The following SNX29 variants were observed in gnomAD, a reference collection of about 807,000 sequenced individuals.
The protein encoded by SNX29 is sorting nexin-29.
SNX29 carries 78 observed loss-of-function variants against 102.1 expected under a neutral mutation model. The observed-to-expected ratio is 0.76, with a 90% confidence interval of 0.64 to 0.92. The LOEUF (loss-of-function observed/expected upper bound fraction) is 0.92. Ranked by LOEUF, SNX29 falls within the 40% of genes least tolerant of loss-of-function variation. The pLI is 0.00. For missense variants in SNX29, 1,280 were observed against 1,061.7 expected, an observed-to-expected ratio of 1.21 and a Z score of -2.86; for synonymous variants, 580 against 414.5, an observed-to-expected ratio of 1.40 and a Z score of -4.85.
chr16:12,030,689 T>C (rs9940003), intron 4 of SNX29, among the ~76,000 whole-genome samples: 17,859 of 152,168 alleles, frequency 0.12, 1,180 homozygotes, highest in African/African-American at 0.15. Flanking sequence ...CCCCCACTTA[T>C]TCCCCGTAAC....
chr16:12,186,928 A>C (rs937231069), intron 13 of SNX29, among the ~76,000 whole-genome samples: 1 of 152,224 alleles, frequency 6.6e-6, no homozygotes, highest in Non-Finnish European at 1.5e-5. Flanking sequence ...CAAGAGGTCA[A>C]AGTCAAGAGA....
Position 12,293,865 on chromosome 16 carries a change from T to C in SNX29, c.1782+15829T>C, listed in dbSNP as rs113627250. The stretch of plus-strand genomic sequence containing the variant: ...CAAGCTTGCATTCATTCAGTGCTTA[T>C]ACGGTGCCAGGCATATTCCTAAGCA... On this transcript the variant is annotated intron_variant, in intron 15 of 20. Transcript: ENST00000566228. Among the ~76,000 whole-genome samples, 1,127 of 152,364 alleles carry C rather than the reference T, an allele frequency of 7.4e-3. 17 individuals carry two copies. The highest frequency in any genetic ancestry group is 0.026 in the African/African-American group (1,063 of 41,592).
At chr16:12,550,035 T>TGC (rs1238434631) in intron 20 of SNX29, among the ~76,000 whole-genome samples, 1 of 152,250 alleles carries the variant, frequency 6.6e-6, no homozygotes, top group African/African-American at 2.4e-5. Context: ...TGAGATGGAA[T>TGC]GCCTCCCTGG....
intron 3 of SNX29, among the ~76,000 whole-genome samples, chr16:12,003,622 A>G (rs1250499286): frequency 1.3e-5 from 2 of 152,238 alleles, no homozygotes; most frequent in Middle Eastern, 3.2e-3. Context: ...GGCCTGAGGT[A>G]GCAGTAGGGG....
At chr16:12,133,013 G>T (rs2054524819) in intron 13 of SNX29, among the ~76,000 whole-genome samples, 1 of 152,212 alleles carries the variant, frequency 6.6e-6, no homozygotes, top group Admixed American at 6.5e-5. Flanking sequence ...TGTTGCCTGG[G>T]GGTGGGGATG....
chr16:12,157,446 T>C lies in SNX29; in HGVS notation c.1595+27688T>C, dbSNP rs532332428. The stretch of plus-strand genomic sequence containing the variant: ...ATGATGTCTCCTAAAGGAACTTCTC[T>C]TATTGCCCAGGGCGGGAGGTTTCAC... On this transcript the variant is annotated intron_variant, in intron 13 of 20. Coordinates refer to ENST00000566228, the MANE Select transcript of SNX29 (RefSeq NM_032167.5). Among the ~76,000 whole-genome samples, 3 of 152,242 alleles carry C rather than the reference T, an allele frequency of 2.0e-5. No individual in the cohort carries two copies. The East Asian group carries it at 5.8e-4, about 29-fold the overall frequency.
At chr16:12,255,043 G>A (rs1472532605) in intron 14 of SNX29, among the ~76,000 whole-genome samples, 1 of 152,168 alleles carries the variant, frequency 6.6e-6, no homozygotes, top group Non-Finnish European at 1.5e-5. Context: ...CAACAACTGT[G>A]TATCTTTATG....
At chr16:12,332,712 C>T (rs2081329827) in intron 15 of SNX29, among the ~76,000 whole-genome samples, 1 of 152,192 alleles carries the variant, frequency 6.6e-6, no homozygotes, top group African/African-American at 2.4e-5. Flanking sequence ...GCACCTCTGT[C>T]TTTCTCTTAT....
At chr16:12,549,266 TGGTA>T (rs2077809560) in intron 20 of SNX29, among the ~76,000 whole-genome samples, 1 of 152,050 alleles carries the variant, frequency 6.6e-6, no homozygotes, top group Non-Finnish European at 1.5e-5. Context: ...GAGGCTGAGG[TGGTA>T]GATCACTCAG....
chr16:12,172,178 T>C (rs1483871667), intron 13 of SNX29, among the ~76,000 whole-genome samples: 1 of 152,216 alleles, frequency 6.6e-6, no homozygotes, highest in East Asian at 1.9e-4. Flanking sequence ...GTGGCTCTCA[T>C]TGTGGCTTTG....
At chr16:12,418,254 C>G (rs189396419) in intron 18 of SNX29, among the ~76,000 whole-genome samples, 6 of 152,220 alleles carry the variant, frequency 3.9e-5, no homozygotes, top group African/African-American at 1.4e-4. Context: ...CACCAATTGC[C>G]GCAAAACCGT....
chr16:12,284,338 G>A (rs1456650371), intron 15 of SNX29, among the ~76,000 whole-genome samples: 1 of 152,242 alleles, frequency 6.6e-6, no homozygotes, highest in Admixed American at 6.5e-5. Context: ...TCATACCTGT[G>A]AGTGGGTTTG....
chr16:12,474,948 G>C (rs138440028), intron 18 of SNX29, among the ~76,000 whole-genome samples: 2 of 152,332 alleles, frequency 1.3e-5, no homozygotes, highest in Admixed American at 6.5e-5. Flanking sequence ...CTTTTGTTCA[G>C]TTGAGCTGGT....
intron 14 of SNX29, among the ~76,000 whole-genome samples, chr16:12,214,087 A>G (rs181542191): frequency 4.6e-5 from 7 of 151,738 alleles, no homozygotes; most frequent in African/African-American, 1.7e-4. Context: ...CTCTCTGGCG[A>G]CCTCCATTAA....
intron 4 of SNX29, among the ~76,000 whole-genome samples, chr16:12,037,221 A>T (rs1338202666): frequency 3.3e-5 from 5 of 152,138 alleles, no homozygotes; most frequent in Non-Finnish European, 5.9e-5. Context: ...TCAGCCACAG[A>T]CCATATGGGA....
At chr16:12,245,189 G>T (rs777116472) in intron 14 of SNX29, among the ~76,000 whole-genome samples, 1 of 152,080 alleles carries the variant, frequency 6.6e-6, no homozygotes, top group Non-Finnish European at 1.5e-5. Context: ...GAAATTGGTC[G>T]TTCTTACAGC....
intron 15 of SNX29, among the ~76,000 whole-genome samples, chr16:12,347,817 C>T (rs1337286617): frequency 6.6e-6 from 1 of 151,810 alleles, no homozygotes; most frequent in South Asian, 2.1e-4. Flanking sequence ...GTGGGTCATG[C>T]CTATAATCGT....
At chr16:12,450,813 A>G (rs2086269679) in intron 18 of SNX29, among the ~76,000 whole-genome samples, 1 of 152,116 alleles carries the variant, frequency 6.6e-6, no homozygotes, top group Non-Finnish European at 1.5e-5. Context: ...CCTAGGGTCG[A>G]TCAGGGACCA....
At chr16:12,411,396 C>T (rs988324133) in intron 18 of SNX29, among the ~76,000 whole-genome samples, 1 of 152,206 alleles carries the variant, frequency 6.6e-6, no homozygotes, top group Admixed American at 6.5e-5. Context: ...AGGATCATAG[C>T]ACATGAACCC....
Sources: gnomAD v4.1 joint callset for allele counts (sites outside exome capture counted in the v4.1 genomes callset) on GRCh38, gnomAD v4.1.1 for gene constraint, MANE v1.5 for transcripts, NCBI Gene and HGNC (gene_info 2026-07-23, HGNC 2026-07-21) for gene names.